The following FTCDNL1 variants were observed in gnomAD, a reference collection of about 807,000 sequenced individuals.
The protein encoded by FTCDNL1 is formiminotransferase cyclodeaminase N-terminal like, also known as formiminotransferase N-terminal subdomain-containing protein.
FTCDNL1 carries 11 observed loss-of-function variants against 5.9 expected under a neutral mutation model. That is an observed-to-expected ratio of 1.87 (90% CI 1.18 to 3.10). FTCDNL1 has a LOEUF of 3.10. Among genes scored for constraint, FTCDNL1 ranks in the 30% most tolerant of loss-of-function variants. FTCDNL1 has a pLI of 0.00. For missense variants in FTCDNL1, 115 were observed against 65.5 expected (o/e 1.76, Z -2.61); for synonymous variants, 58 against 24.8 (o/e 2.34, Z -3.99).
At chr2:199,726,561 G>A in the FTCDNL1 span, among the ~76,000 whole-genome samples, 1 of 152,146 alleles carries the variant, frequency 6.6e-6, no homozygotes, top group Non-Finnish European at 1.5e-5. Context: ...CTGACATTTT[G>A]TTGGGATTTT....
chr2:199,711,641 G>A, the FTCDNL1 span, among the ~76,000 whole-genome samples: 1 of 152,124 alleles, frequency 6.6e-6, no homozygotes, highest in Non-Finnish European at 1.5e-5. Flanking sequence ...GTCCTAACAG[G>A]AATAGATGGA....
intron 3 of FTCDNL1, among the ~76,000 whole-genome samples, chr2:199,799,394 T>C (rs1700331841): frequency 6.6e-6 from 1 of 152,206 alleles, no homozygotes. Flanking sequence ...TGCATCTCTC[T>C]CAAGTTCTCC....
At chr2:199,845,505 A>G (rs2076707568) in intron 3 of FTCDNL1, among the ~76,000 whole-genome samples, 1 of 151,894 alleles carries the variant, frequency 6.6e-6, no homozygotes, top group Non-Finnish European at 1.5e-5. Flanking sequence ...CCGGAGGCAG[A>G]GGTTGCAGTG....
At chr2:199,723,253 A>T in the FTCDNL1 span, among the ~76,000 whole-genome samples, 1 of 152,074 alleles carries the variant, frequency 6.6e-6, no homozygotes, top group African/African-American at 2.4e-5. Context: ...GACTTTGCTA[A>T]AGTTGCTTAT....
chr2:199,787,918 A>C (rs754257510), intron 3 of FTCDNL1, among the ~76,000 whole-genome samples: 1 of 152,220 alleles, frequency 6.6e-6, no homozygotes, highest in South Asian at 2.1e-4. Context: ...TTTGTTCTGC[A>C]TCCCTGTGGT....
At chr2:199,713,314 A>AT in the FTCDNL1 span, among the ~76,000 whole-genome samples, 1,058 of 151,470 alleles carry the variant, frequency 7.0e-3, 14 homozygotes, top group African/African-American at 0.023. Context: ...CAAATGAAAC[A>AT]TTTTTTTTTG....
At chr2:199,766,715 C>T (rs1366988555) in intron 3 of FTCDNL1, among the ~76,000 whole-genome samples, 1 of 152,062 alleles carries the variant, frequency 6.6e-6, no homozygotes, top group Non-Finnish European at 1.5e-5. Flanking sequence ...TAAACGTCAG[C>T]TTGATGGTTA....
chr2:199,678,650 T>TAA, the FTCDNL1 span, among the ~76,000 whole-genome samples: 1 of 150,564 alleles, frequency 6.6e-6, no homozygotes, highest in Non-Finnish European at 1.5e-5. Flanking sequence ...CACTGAAATA[T>TAA]AAAAAAAAAC....
chr2:199,732,006 C>G, the FTCDNL1 span, among the ~76,000 whole-genome samples: 1 of 152,048 alleles, frequency 6.6e-6, no homozygotes, highest in Non-Finnish European at 1.5e-5. Flanking sequence ...TCAAAGTCTC[C>G]AGGAGGGAAA....
intron 4 of FTCDNL1, among the ~76,000 whole-genome samples, chr2:199,817,088 G>A (rs1214218091): frequency 6.6e-6 from 1 of 152,124 alleles, no homozygotes; most frequent in African/African-American, 2.4e-5. Context: ...GCTTGAGTAT[G>A]CCATAGTTTA....
intron 3 of FTCDNL1, among the ~76,000 whole-genome samples, chr2:199,823,474 A>G (rs1411214183): frequency 6.6e-6 from 1 of 152,230 alleles, no homozygotes; most frequent in African/African-American, 2.4e-5. Context: ...TTTCTTAAAT[A>G]ATAAGATGTG....
the FTCDNL1 span, among the ~76,000 whole-genome samples, chr2:199,734,342 T>C: frequency 6.6e-6 from 1 of 152,244 alleles, no homozygotes; most frequent in South Asian, 2.1e-4. Context: ...TAAGGTACCA[T>C]TAGACAGAGA....
Position 199,848,906 on chromosome 2 carries a change from T to C in FTCDNL1, c.57A>G (p.Glu19=). 1 of 702,356 alleles carries C rather than the reference T, an allele frequency of 1.4e-6. No individual in the cohort carries two copies. Among genetic ancestry groups the C allele is most frequent in the Non-Finnish European group, 2.6e-6 (1 of 384,804 alleles). The allele number at this position is 702,356 out of a possible 1,614,324, so 43.5% of individuals were successfully genotyped here. The part of the protein sequence containing the change: ...RLAACLLNVS[E]AGRKYIVENI... ...TCTCAACAATGTATTTTCTTCCGGC[T>C]TCTGAAACGTTTAGTAAACAGGCAG... Residue 19 remains glutamate, a synonymous_variant, in exon 2 of 5, where the codon GAA becomes GAG. Transcript: ENST00000420128.
the FTCDNL1 span, among the ~76,000 whole-genome samples, chr2:199,728,994 C>G: frequency 6.6e-6 from 1 of 152,148 alleles, no homozygotes; most frequent in Non-Finnish European, 1.5e-5. Flanking sequence ...CATGAAGCAG[C>G]AGCTGTTGTC....
At chr2:199,708,122 TTA>T in the FTCDNL1 span, among the ~76,000 whole-genome samples, 3 of 152,110 alleles carry the variant, frequency 2.0e-5, no homozygotes, top group Non-Finnish European at 2.9e-5. Context: ...GAATTTTTTT[TTA>T]AATGTCTGCA....
chr2:199,758,447 C>T (rs1698144644), downstream of FTCDNL1, among the ~76,000 whole-genome samples: 1 of 148,046 alleles, frequency 6.8e-6, no homozygotes, highest in African/African-American at 2.5e-5. Context: ...GAGGCCATTC[C>T]CACCAAAAAA....
the FTCDNL1 span, among the ~76,000 whole-genome samples, chr2:199,735,842 C>A: frequency 1.3e-5 from 2 of 152,140 alleles, no homozygotes; most frequent in Middle Eastern, 3.2e-3. Context: ...ATATCTGTTG[C>A]ATATTTGTGA....
rs148456134 is a variant in FTCDNL1 at position 199,825,062 on chromosome 2, T to G, written c.212-5305A>C. Among the ~76,000 whole-genome samples, 283 of 149,306 alleles carry G rather than the reference T, an allele frequency of 1.9e-3. 2 individuals carry two copies. Among genetic ancestry groups the G allele is most frequent in the African/African-American group, 6.7e-3 (272 of 40,502 alleles). On this transcript the variant is annotated intron_variant, in intron 3 of 4. Transcript: ENST00000420128. ...CTGAGATCAGAGGATTGCTTCAGCC[T>G]GGGAGACCAAGGCTGCAGTGAGCCA... is the stretch of plus-strand genomic sequence containing the variant.
intron 3 of FTCDNL1, among the ~76,000 whole-genome samples, chr2:199,842,565 CAGTT>C (rs1400492684): frequency 4.6e-5 from 7 of 152,178 alleles, no homozygotes; most frequent in African/African-American, 1.7e-4. Flanking sequence ...AAATTGTTGA[CAGTT>C]ATTTATAAAT....
Sources: gnomAD v4.1 joint callset for allele counts (sites outside exome capture counted in the v4.1 genomes callset) on GRCh38, gnomAD v4.1.1 for gene constraint, MANE v1.5 for transcripts, NCBI Gene and HGNC (gene_info 2026-07-23, HGNC 2026-07-21) for gene names.